SNX29: variants seen among roughly 807,000 people sequenced by gnomAD.
SNX29 encodes sorting nexin 29.
A neutral mutation model predicts 102.1 loss-of-function variants in SNX29; 78 were observed. That is an observed-to-expected ratio of 0.76 (90% CI 0.64 to 0.92). The LOEUF is 0.92. SNX29 is among the 40% of genes least tolerant of loss of function. SNX29 has a pLI of 0.00. For synonymous variants in SNX29, 580 were observed against 414.5 expected (o/e 1.40, Z -4.85); for missense variants, 1,280 against 1,061.7 (o/e 1.21, Z -2.86).
At chr16:12,106,330 T>A (rs188852080) in intron 11 of SNX29, among the ~76,000 whole-genome samples, 218 of 152,016 alleles carry the variant, frequency 1.4e-3, no homozygotes, top group Non-Finnish European at 1.5e-3. Context: ...TTTTCTTTCT[T>A]CCCACTTGAC....
intron 20 of SNX29, chr16:12,556,475 A>AGGAGGAGTTAG (rs1567193411): frequency 6.6e-6 from 1 of 152,124 alleles, no homozygotes; most frequent in African/African-American, 2.4e-5. Flanking sequence ...CCAAAAGCAC[A>AGGAGGAGTTAG]AGGAGGAGTT....
chr16:12,382,935 A>G (rs1026133553), intron 16 of SNX29, among the ~76,000 whole-genome samples: 12 of 152,278 alleles, frequency 7.9e-5, no homozygotes, highest in African/African-American at 2.6e-4. Flanking sequence ...TCTCATCTCA[A>G]GAGTCTGAAT....
intron 11 of SNX29, among the ~76,000 whole-genome samples, chr16:12,100,822 A>G (rs983518414): frequency 7.2e-5 from 11 of 151,936 alleles, no homozygotes; most frequent in Non-Finnish European, 1.6e-4. Flanking sequence ...GAGACAGGTC[A>G]TCTGGCCCCT....
At chr16:12,084,153 T>C (rs1276898023) in intron 11 of SNX29, among the ~76,000 whole-genome samples, 1 of 152,102 alleles carries the variant, frequency 6.6e-6, no homozygotes, top group African/African-American at 2.4e-5. Context: ...GTTAATTTTT[T>C]TTTTTTTTTG....
At chr16:12,501,560 A>G (rs2151894087) in intron 19 of SNX29, among the ~76,000 whole-genome samples, 1 of 152,074 alleles carries the variant, frequency 6.6e-6, no homozygotes, top group East Asian at 1.9e-4. Flanking sequence ...CATCTCTACT[A>G]AAAATACAAA....
chr16:12,425,529 TA>T (rs57793049), intron 18 of SNX29, among the ~76,000 whole-genome samples: 18,122 of 78,336 alleles, frequency 0.23, 1,772 homozygotes, highest in African/African-American at 0.37. Context: ...TGACCAGAGT[TA>T]AAAAAAAAAA....
intron 20 of SNX29, among the ~76,000 whole-genome samples, chr16:12,564,953 G>C (rs62028258): frequency 6.8e-6 from 1 of 146,510 alleles, no homozygotes; most frequent in African/African-American, 2.5e-5. Flanking sequence ...AAAAAAAAAG[G>C]CTGTCATTGT....
chr16:12,382,661 C>T (rs745883623), intron 16 of SNX29, among the ~76,000 whole-genome samples: 2 of 152,174 alleles, frequency 1.3e-5, no homozygotes, highest in South Asian at 2.1e-4. Context: ...TTTATTTGCT[C>T]GCAGTTCTGG....
intron 18 of SNX29, among the ~76,000 whole-genome samples, chr16:12,446,047 C>CTTTT (rs60889973): frequency 1.0e-5 from 1 of 98,592 alleles, no homozygotes; most frequent in African/African-American, 4.3e-5. Context: ...GCTTCTCATT[C>CTTTT]TTTTTTTTTT....
At chr16:12,336,783 A>G (rs567153072) in intron 15 of SNX29, among the ~76,000 whole-genome samples, 214 of 152,264 alleles carry the variant, frequency 1.4e-3, no homozygotes, top group South Asian at 6.0e-3. Context: ...CGTCTCTACT[A>G]AAATTGAAAA....
chr16:11,990,044 TAAATGATC>T (rs1321515289), intron 1 of SNX29, among the ~76,000 whole-genome samples: 1 of 152,202 alleles, frequency 6.6e-6, no homozygotes, highest in Non-Finnish European at 1.5e-5. Context: ...GTTCCTTGGG[TAAATGATC>T]AATGTCTCCA....
intron 11 of SNX29, among the ~76,000 whole-genome samples, chr16:12,123,885 T>A (rs905002268): frequency 6.6e-6 from 1 of 152,052 alleles, no homozygotes; most frequent in Admixed American, 6.5e-5. Context: ...AGTACAGAAG[T>A]GGGTGGGTGT....
At chr16:12,356,388 T>G (rs1000916281) in intron 16 of SNX29, 109 bp downstream of exon 16, 7 of 934,952 alleles carry the variant, frequency 7.5e-6, no homozygotes, top group Non-Finnish European at 1.1e-5. Flanking sequence ...CTGGCCAGAT[T>G]TGCCCACATT....
At chr16:12,445,862 A>G (rs2086024541) in intron 18 of SNX29, among the ~76,000 whole-genome samples, 2 of 152,100 alleles carry the variant, frequency 1.3e-5, no homozygotes, top group South Asian at 2.1e-4. Context: ...CCCCCATTCT[A>G]CAGATGAGGA....
chr16:12,061,676 CAA>C (rs775680290), intron 9 of SNX29, 30 bp downstream of exon 9: 2 of 1,571,292 alleles, frequency 1.3e-6, no homozygotes, highest in Non-Finnish European at 1.7e-6. Context: ...TCCTTTCCTC[CAA>C]TAAGAGCTTT....
At chr16:12,555,381 C>T (rs746734141) in intron 20 of SNX29, among the ~76,000 whole-genome samples, 42 of 152,230 alleles carry the variant, frequency 2.8e-4, no homozygotes, top group Non-Finnish European at 4.6e-4. Flanking sequence ...CGCTCCCTGT[C>T]TTTCCCTGCG....
rs759533975 is a variant in SNX29 at position 12,573,787 on chromosome 16, C to T, written c.*5158C>T. 9.0e-6 allele frequency: 2 copies of T among 222,536 alleles called. No homozygotes were observed. The highest frequency in any genetic ancestry group is 6.5e-5 in the East Asian group (1 of 15,332). 13.8% of individuals were successfully genotyped at this position (222,536 alleles called of 1,614,324 possible). A position where few individuals can be genotyped will look rare whatever the true frequency, so the allele number is the denominator to read the frequency against. ...CAGTGACCCCAGAGACCATTAATTT[C>T]CCGGAGTGAAGGGGATGGGGGTAGA... On this transcript the variant is annotated 3_prime_UTR_variant, in exon 21 of 21. Coordinates refer to ENST00000566228, the MANE Select transcript of SNX29 (RefSeq NM_032167.5).
At chr16:12,315,797 T>G (rs565017759) in intron 15 of SNX29, among the ~76,000 whole-genome samples, 1 of 152,172 alleles carries the variant, frequency 6.6e-6, no homozygotes, top group Non-Finnish European at 1.5e-5. Flanking sequence ...TTTACAAAAA[T>G]GGATGATGGG....
rs1309721680 is a variant in SNX29 at position 12,231,253 on chromosome 16, G to C, written c.1678+31570G>C. 2.6e-5 allele frequency among the ~76,000 whole-genome samples: 4 copies of C among 152,176 alleles called. No individual in the cohort carries two copies. The East Asian group carries it at 7.7e-4, about 29-fold the overall frequency. ...TCCCTGGATTGGGTTGTAAAACTTA[G>C]TCCCTTTCCACCATACCATCCAGCT... On this transcript the variant is annotated intron_variant, in intron 14 of 20. Coordinates refer to ENST00000566228, the MANE Select transcript of SNX29 (RefSeq NM_032167.5).
Sources: allele counts gnomAD v4.1 joint callset (sites outside exome capture counted in the v4.1 genomes callset), GRCh38; gene constraint gnomAD v4.1.1; transcripts MANE v1.5; gene names NCBI Gene and HGNC (gene_info 2026-07-23, HGNC 2026-07-21).